The following CA6 variants were observed in gnomAD, a reference collection of about 807,000 sequenced individuals.
CA6 encodes carbonic anhydrase 6, also known as carbonate dehydratase VI.
CA6 carries 28 observed loss-of-function variants against 35.9 expected under a neutral mutation model. That is an observed-to-expected ratio of 0.78 (90% CI 0.58 to 1.07). CA6 has a LOEUF of 1.07. Ranked by LOEUF, CA6 falls within the 50% of genes least tolerant of loss-of-function variation. The pLI, the probability that CA6 is intolerant of heterozygous loss-of-function variation, is 0.00. For missense variants in CA6, 377 were observed against 382.0 expected (o/e 0.99, Z 0.11); for synonymous variants, 148 against 152.6 (o/e 0.97, Z 0.22).
chr1:8,972,904 C>T (rs575467334), intron 7 of CA6, among the ~76,000 whole-genome samples: 4 of 152,196 alleles, frequency 2.6e-5, no homozygotes, highest in African/African-American at 7.2e-5. Context: ...TAATCATTTC[C>T]CCATATTATA....
In CA6 at chr1:8,954,361, C is replaced by T. The variant is rs202096097; in HGVS notation, c.260-2776C>T. On this transcript the variant is annotated intron_variant, in intron 2 of 7. Transcript: ENST00000377443. Reference sequence around the variant, plus strand: ...TATAATTTTAGTAAAGACGGGGTTTCGCCATGTCGGCCAGGCTGGTCTTGA... The same window carrying T: ...TATAATTTTAGTAAAGACGGGGTTTTGCCATGTCGGCCAGGCTGGTCTTGA... Among the ~76,000 whole-genome samples, 26 of 152,308 alleles carry T rather than the reference C, an allele frequency of 1.7e-4. No individual in the cohort carries two copies. The East Asian group carries it at 4.2e-3, about 25-fold the overall frequency.
At position 8,946,291 on chromosome 1, in the gene CA6, C is replaced by T. The variant is rs184996016; in HGVS notation, c.79+326C>T. 3.5e-4 allele frequency among the ~76,000 whole-genome samples: 53 copies of T among 152,170 alleles called. No individual in the cohort carries two copies. The East Asian group carries it at 7.7e-3, about 22-fold the overall frequency. On this transcript the variant is annotated intron_variant, in intron 1 of 7. Coordinates refer to ENST00000377443, the MANE Select transcript of CA6 (RefSeq NM_001215.4). ...GACCTTAGGTGATCTGCCCATCTCC[C>T]AAAGTGCTGGGATTACAGGCATGAG...
rs373250863 is a variant in CA6 at position 8,959,931 on chromosome 1, C to CAAAAAAAAAAAAAAAAAAA, written c.501+930_501+948dup. Among the ~76,000 whole-genome samples the CAAAAAAAAAAAAAAAAAAA allele has an allele frequency of 3.5e-4, 26 of 75,170 alleles. 1 individual carries two copies. The highest frequency in any genetic ancestry group is 1.6e-3 in the African/African-American group (23 of 14,778). The allele number at this position is 75,170 out of a possible 152,430, so 49.3% of individuals were successfully genotyped here. A position where few individuals can be genotyped will look rare whatever the true frequency, so the allele number is the denominator to read the frequency against. ...TGGGCAATAAAGCTAGATTCTATCT[C>CAAAAAAAAAAAAAAAAAAA]AAAAAAAAAAAAAAAAAAAGCTGGG... On this transcript the variant is annotated intron_variant, in intron 4 of 7. Coordinates refer to ENST00000377443, the MANE Select transcript of CA6 (RefSeq NM_001215.4).
Position 8,961,217 on chromosome 1 carries a change from G to C in CA6, c.502-1370G>C, listed in dbSNP as rs557959283. Among the ~76,000 whole-genome samples the C allele has an allele frequency of 6.6e-5, 10 of 152,314 alleles. No homozygotes were observed. The South Asian group carries it at 2.1e-3, about 32-fold the overall frequency. On this transcript the variant is annotated intron_variant, in intron 4 of 7. Transcript: ENST00000377443. ...TATAAGGATGCTTTTCTGGCTGAAA[G>C]AAAATAATACCAGACGGTTAACTCC...
intron 6 of CA6, 99 bp downstream of exon 6, chr1:8,967,915 C>A: frequency 9.3e-7 from 1 of 1,080,378 alleles, no homozygotes; most frequent in South Asian, 1.5e-5. Flanking sequence ...ACTAAGGGGT[C>A]CTACAGTATT....
At chr1:8,970,531 CAG>C (rs1014576964) in intron 6 of CA6, among the ~76,000 whole-genome samples, 3 of 151,818 alleles carry the variant, frequency 2.0e-5, no homozygotes, top group African/African-American at 7.3e-5. Context: ...TTTTTTGAGA[CAG>C]AGTTTCTCTC....
chr1:8,956,782 T>C (rs1349557302), intron 2 of CA6, among the ~76,000 whole-genome samples: 1 of 152,222 alleles, frequency 6.6e-6, no homozygotes, highest in African/African-American at 2.4e-5. Flanking sequence ...TCCAAGCCCA[T>C]TGGCCATAAT....
intron 2 of CA6, chr1:8,951,656 G>A (rs778443252): frequency 9.2e-6 from 7 of 764,982 alleles, no homozygotes; most frequent in South Asian, 5.4e-5. Context: ...GGCTTGCAGC[G>A]GCTCCCGCCT....
chr1:8,966,272 G>A (rs906404369), intron 5 of CA6, among the ~76,000 whole-genome samples: 5 of 151,984 alleles, frequency 3.3e-5, no homozygotes, highest in Admixed American at 3.3e-4. Context: ...ACCATGCCCA[G>A]CTAATTTTTG....
intron 2 of CA6, among the ~76,000 whole-genome samples, chr1:8,950,748 G>T (rs11121277): frequency 0.4 from 60,850 of 151,308 alleles, 13,125 homozygotes; most frequent in Middle Eastern, 0.47. Flanking sequence ...AGTGCCTGTA[G>T]TCCCAGCTAC....
Position 8,945,990 on chromosome 1 carries a change from C to G in CA6, c.79+25C>G. On this transcript the variant is annotated intron_variant, in intron 1 of 7. Transcript: ENST00000377443. ...GGTGAGCCCCTAGCTTCTGCATGCT[C>G]CCCCAGTTACCCTCACACCCTTACA... 2.8e-6 allele frequency: 4 copies of G among 1,449,968 alleles called. No individual in the cohort carries two copies. In the East Asian group the frequency reaches 9.1e-5, roughly 33 times the overall value. The allele number at this position is 1,449,968 out of a possible 1,614,324, so 89.8% of individuals were successfully genotyped here. A position where few individuals can be genotyped will look rare whatever the true frequency, so the allele number is the denominator to read the frequency against.
intron 2 of CA6, chr1:8,951,400 A>G (rs1198171022): frequency 5.3e-6 from 4 of 750,258 alleles, no homozygotes; most frequent in African/African-American, 1.7e-5. Context: ...CTTGTTTCCA[A>G]AGTTACTCTC....
intron 7 of CA6, among the ~76,000 whole-genome samples, chr1:8,971,775 C>T (rs780695361): frequency 3.3e-5 from 5 of 152,228 alleles, no homozygotes; most frequent in Non-Finnish European, 5.9e-5. Flanking sequence ...CAGACCCCAG[C>T]GTGCTGGAAG....
intron 2 of CA6, among the ~76,000 whole-genome samples, chr1:8,954,484 T>C (rs867827408): frequency 2.0e-5 from 3 of 152,232 alleles, no homozygotes; most frequent in Non-Finnish European, 4.4e-5. Flanking sequence ...ATTTTCTTAA[T>C]AAACTTGCTT....
intron 7 of CA6, among the ~76,000 whole-genome samples, chr1:8,972,532 C>T (rs1051938390): frequency 5.3e-5 from 8 of 152,032 alleles, no homozygotes; most frequent in East Asian, 3.9e-4. Flanking sequence ...ATTAGCCAGG[C>T]GAGGTGGCGG....
At chr1:8,951,550 A>C (rs1639535083) in intron 2 of CA6, 1 of 765,036 alleles carries the variant, frequency 1.3e-6, no homozygotes, top group African/African-American at 1.7e-5. Flanking sequence ...TCATTGATGG[A>C]GGATCTCTAT....
intron 2 of CA6, chr1:8,951,556 T>G (rs535992418): frequency 1.3e-6 from 1 of 765,170 alleles, no homozygotes; most frequent in African/African-American, 1.7e-5. Flanking sequence ...ATGGAGGATC[T>G]CTATGGGCAA....
rs1639467619 is a variant in CA6, at chr1:8,949,567, C to T, written c.259+125C>T. Reference sequence around the variant, plus strand: ...AGAGCACGGCCTCAGAGCTGGAGGCCTCGAACATGAGGGTCGAACATGAGG... The same window carrying T: ...AGAGCACGGCCTCAGAGCTGGAGGCTTCGAACATGAGGGTCGAACATGAGG... On this transcript the variant is annotated intron_variant, in intron 2 of 7. Coordinates refer to ENST00000377443, the MANE Select transcript of CA6 (RefSeq NM_001215.4). 4 of 801,172 alleles carry T rather than the reference C, an allele frequency of 5.0e-6. No individual in the cohort carries two copies. The South Asian group carries it at 5.2e-5, about 10-fold the overall frequency. The allele number at this position is 801,172 out of a possible 1,614,324, so 49.6% of individuals were successfully genotyped here. A position where few individuals can be genotyped will look rare whatever the true frequency, so the allele number is the denominator to read the frequency against.
At chr1:8,973,732 C>CTT (rs778723419) in intron 7 of CA6, among the ~76,000 whole-genome samples, 4 of 18,908 alleles carry the variant, frequency 2.1e-4, no homozygotes, top group African/African-American at 1.5e-3. Context: ...TTCTTTCTTT[C>CTT]TTTCTTTCTT....
Sources: gnomAD v4.1 joint callset for allele counts (sites outside exome capture counted in the v4.1 genomes callset) on GRCh38, gnomAD v4.1.1 for gene constraint, MANE v1.5 for transcripts, NCBI Gene and HGNC (gene_info 2026-07-23, HGNC 2026-07-21) for gene names.